Variants in SORCS2 observed in about 807,000 individuals in gnomAD.
SORCS2 encodes sortilin related VPS10 domain containing receptor 2.
A neutral mutation model predicts 141.6 loss-of-function variants in SORCS2; 100 were observed. That is an observed-to-expected ratio of 0.71 (90% CI 0.60 to 0.83). The LOEUF (loss-of-function observed/expected upper bound fraction) is 0.83, where lower values mean the gene tolerates loss of function less well. Among genes scored for constraint, SORCS2 ranks in the 40% least tolerant of loss-of-function variants. The probability of loss-of-function intolerance (pLI) is 0.00; values close to 1 mark genes in which losing one functional copy is unlikely to be tolerated. For missense variants in SORCS2, 1,646 were observed against 1,560.2 expected (o/e 1.05, Z -0.93); for synonymous variants, 789 against 676.9 (o/e 1.17, Z -2.57).
chr4:7,704,046 G>A (rs966243967), intron 13 of SORCS2, 131 bp from the exon 14 acceptor site: 3 of 720,470 alleles, frequency 4.2e-6, no homozygotes, highest in Non-Finnish European at 7.5e-6. Context: ...ATAAGCAGAT[G>A]TGGTATCACC....
At chr4:7,626,656 C>T (rs1719533585) in intron 3 of SORCS2, among the ~76,000 whole-genome samples, 1 of 152,230 alleles carries the variant, frequency 6.6e-6, no homozygotes, top group Non-Finnish European at 1.5e-5. Flanking sequence ...AACACATCCA[C>T]ATTAGTCATT....
intron 3 of SORCS2, among the ~76,000 whole-genome samples, chr4:7,626,604 T>G (rs1719529039): frequency 6.6e-6 from 1 of 152,278 alleles, no homozygotes; most frequent in African/African-American, 2.4e-5. Flanking sequence ...GTATCATATG[T>G]GTGTACGTAT....
intron 2 of SORCS2, among the ~76,000 whole-genome samples, chr4:7,490,409 C>T (rs1731247509): frequency 6.6e-6 from 1 of 152,088 alleles, no homozygotes; most frequent in African/African-American, 2.4e-5. Context: ...GAGGACTACC[C>T]TAGATCACGG....
chr4:7,345,335 C>T (rs1254289505), intron 1 of SORCS2, among the ~76,000 whole-genome samples: 1 of 152,184 alleles, frequency 6.6e-6, no homozygotes. Context: ...GACTTCAGGA[C>T]AGCTGAAGGA....
chr4:7,668,807 G>A (rs1722643794), intron 8 of SORCS2, among the ~76,000 whole-genome samples: 1 of 152,096 alleles, frequency 6.6e-6, no homozygotes, highest in East Asian at 1.9e-4. Flanking sequence ...TCGACCTTTG[G>A]GGGCTACAGC....
At chr4:7,336,745 G>C (rs1045270969) in intron 1 of SORCS2, among the ~76,000 whole-genome samples, 5 of 152,046 alleles carry the variant, frequency 3.3e-5, no homozygotes, top group Admixed American at 6.6e-5. Context: ...CCTTGGGTGA[G>C]CCGTGCCCAG....
intron 3 of SORCS2, among the ~76,000 whole-genome samples, chr4:7,578,668 C>T (rs923865326): frequency 7.2e-5 from 11 of 152,280 alleles, no homozygotes; most frequent in South Asian, 2.1e-4. Context: ...TGGGGCAGGC[C>T]GCCTGGGCTG....
Position 7,193,910 on chromosome 4 carries a change from C to A in SORCS2, c.480+784C>A, listed in dbSNP as rs1301887302. Among the ~76,000 whole-genome samples the A allele has an allele frequency of 1.3e-5, 2 of 152,228 alleles. No homozygotes were observed. Among genetic ancestry groups the A allele is most frequent in the Non-Finnish European group, 2.9e-5 (2 of 68,030 alleles). ...CTCCACCCACAGCCTGGGGCTCCCA[C>A]CCTTCCCAAATCCTGCCTCCTCTGG... On this transcript the variant is annotated intron_variant, in intron 1 of 26. Transcript: ENST00000507866. This position sits in a 1 kb window ranked among gnomAD's most constrained non-coding sequence, Gnocchi z 4.8.
Position 7,678,028 on chromosome 4 carries a change from C to T in SORCS2, c.1341+1799C>T, listed in dbSNP as rs78289447. ...ACCTGTCCACAGGCATCTGTGATGC[C>T]TGCACCACCGCATGCCATGCTCTGG... On this transcript the variant is annotated intron_variant, in intron 9 of 26. Transcript: ENST00000507866. Among the ~76,000 whole-genome samples the T allele has an allele frequency of 4.1e-3, 631 of 152,308 alleles. 28 individuals carry two copies. The East Asian group carries it at 0.1, about 25-fold the overall frequency.
At chr4:7,552,030 C>T (rs927180170) in intron 3 of SORCS2, among the ~76,000 whole-genome samples, 2 of 152,306 alleles carry the variant, frequency 1.3e-5, no homozygotes, top group South Asian at 4.2e-4. Context: ...AAATAGATGC[C>T]TAAGGATGCT....
intron 1 of SORCS2, among the ~76,000 whole-genome samples, chr4:7,303,706 G>T (rs1269268498): frequency 6.6e-6 from 1 of 152,238 alleles, no homozygotes; most frequent in Admixed American, 6.5e-5. Flanking sequence ...CATTTCTGGG[G>T]TCTCAAACAG....
chr4:7,557,632 T>A (rs951583609), intron 3 of SORCS2, among the ~76,000 whole-genome samples: 2 of 152,222 alleles, frequency 1.3e-5, no homozygotes, highest in Non-Finnish European at 2.9e-5. Flanking sequence ...TACCCAGGGC[T>A]TTTCCATCTC....
At chr4:7,625,982 A>T (rs1719491723) in intron 3 of SORCS2, among the ~76,000 whole-genome samples, 1 of 152,008 alleles carries the variant, frequency 6.6e-6, no homozygotes, top group South Asian at 2.1e-4. Flanking sequence ...CTACAAAAAA[A>T]TTAAACAAAA....
intron 3 of SORCS2, among the ~76,000 whole-genome samples, chr4:7,585,157 T>C (rs950923207): frequency 1.3e-5 from 2 of 152,212 alleles, no homozygotes; most frequent in Admixed American, 1.3e-4. Context: ...ATTTCCTCTC[T>C]GGGACTTATT....
rs140921355 is a variant in SORCS2 at position 7,679,150 on chromosome 4, C to T, written c.1341+2921C>T. 4.2e-3 allele frequency among the ~76,000 whole-genome samples: 637 copies of T among 152,242 alleles called. 4 individuals carry two copies. Among genetic ancestry groups the T allele is most frequent in the African/African-American group, 0.014 (595 of 41,546 alleles). On this transcript the variant is annotated intron_variant, in intron 9 of 26. Transcript: ENST00000507866. ...CCAGGAAAAAAATGTTTGGTACAGA[C>T]GGCAGAGCCAGGTACTGCCTCGGAA...
chr4:7,278,154 G>A (rs557362765), intron 1 of SORCS2, among the ~76,000 whole-genome samples: 108 of 152,306 alleles, frequency 7.1e-4, no homozygotes, highest in African/African-American at 2.5e-3. Context: ...GCCCCACGCT[G>A]CACCCTGGGC....
At chr4:7,640,186 C>T (rs1720598915) in intron 4 of SORCS2, among the ~76,000 whole-genome samples, 1 of 14,872 alleles carries the variant, frequency 6.7e-5, no homozygotes, top group South Asian at 5.9e-3. Flanking sequence ...GTGTGAGAGC[C>T]TATGTGAGTG....
intron 2 of SORCS2, among the ~76,000 whole-genome samples, chr4:7,399,493 G>A (rs1040624656): frequency 1.3e-5 from 2 of 152,144 alleles, no homozygotes; most frequent in Non-Finnish European, 2.9e-5. Flanking sequence ...GCATGTCAGC[G>A]GCACCCCCTC....
intron 11 of SORCS2, among the ~76,000 whole-genome samples, chr4:7,695,331 G>A (rs1724541444): frequency 1.7e-5 from 1 of 59,660 alleles, no homozygotes; most frequent in Non-Finnish European, 3.3e-5. Flanking sequence ...TGGATGGATG[G>A]ATGGATGGAT....
Sources: gnomAD v4.1 joint callset for allele counts (sites outside exome capture counted in the v4.1 genomes callset) on GRCh38, gnomAD v4.1.1 for gene constraint, Gnocchi (gnomAD v3.1) non-coding constraint, MANE v1.5 for transcripts, NCBI Gene and HGNC (gene_info 2026-07-23, HGNC 2026-07-21) for gene names.